NCAN: variants seen among roughly 807,000 people sequenced by gnomAD.
NCAN encodes the protein neurocan.
A neutral mutation model predicts 121.8 loss-of-function variants in NCAN; 47 were observed. The observed-to-expected ratio is 0.39, with a 90% CI of 0.31 to 0.49. The LOEUF (loss-of-function observed/expected upper bound fraction) is 0.49. NCAN is among the 20% of genes least tolerant of loss of function. NCAN has a pLI of 0.92. For synonymous variants in NCAN, 633 were observed against 702.0 expected (o/e 0.90, Z 1.55); for missense variants, 1,517 against 1,773.4 (o/e 0.86, Z 2.60).
chr19:19,244,234 C>T (rs978238584), intron 12 of NCAN, among the ~76,000 whole-genome samples: 2 of 151,904 alleles, frequency 1.3e-5, no homozygotes, highest in African/African-American at 2.4e-5. Context: ...AGAACAAGTT[C>T]AGTCCTGCCT....
At position 19,244,309 on chromosome 19, in the gene NCAN, C is replaced by CT. The variant is rs532412223; in HGVS notation, c.3493-987dup. On this transcript the variant is annotated intron_variant, in intron 12 of 14. Transcript: ENST00000252575. ...TGTTCCCTGTCTGAACCCTTACTAT[C>CT]TTTTTTTTTTTTTTTTTGAGATAGA... Among the ~76,000 whole-genome samples the CT allele has an allele frequency of 9.8e-3, 1,256 of 127,596 alleles. 28 individuals carry two copies. Among genetic ancestry groups the CT allele is most frequent in the South Asian group, 0.048 (188 of 3,928 alleles). 83.7% of individuals were successfully genotyped at this position (127,596 alleles called of 152,430 possible). A position where few individuals can be genotyped will look rare whatever the true frequency, so the allele number is the denominator to read the frequency against.
Position 19,225,369 on chromosome 19 carries a change from G to A in NCAN, c.1072+99G>A, listed in dbSNP as rs903149884. On this transcript the variant is annotated intron_variant, in intron 6 of 14. Transcript: ENST00000252575. The surrounding 1 kb of genome is among the most constrained non-coding windows in gnomAD (Gnocchi z 4.0). Reference sequence around the variant, plus strand: ...CAAGCCAAGGGAGAGACACATGGAAGCTCGCTTTGTGATAAGCCACATCCC... The same window carrying A: ...CAAGCCAAGGGAGAGACACATGGAAACTCGCTTTGTGATAAGCCACATCCC... 5.9e-6 allele frequency: 8 copies of A among 1,359,994 alleles called. No homozygotes were observed. Among genetic ancestry groups the A allele is most frequent in the Non-Finnish European group, 7.6e-6 (8 of 1,048,304 alleles). 84.2% of individuals were successfully genotyped at this position (1,359,994 alleles called of 1,614,324 possible). A position where few individuals can be genotyped will look rare whatever the true frequency, so the allele number is the denominator to read the frequency against.
chr19:19,243,800 G>T (rs903887568), intron 12 of NCAN, among the ~76,000 whole-genome samples: 1 of 152,112 alleles, frequency 6.6e-6, no homozygotes, highest in South Asian at 2.1e-4. Context: ...GGCCAAGGTG[G>T]GTGGATCGCG....
intron 11 of NCAN, 132 bp from the exon 12 acceptor site, chr19:19,240,471 C>A: frequency 1.3e-6 from 1 of 796,482 alleles, no homozygotes; most frequent in Non-Finnish European, 2.2e-6. Context: ...TCCCCCCACC[C>A]AGCCCACCTC....
chr19:19,224,951 C>T, intron 5 of NCAN, 26 bp from the exon 6 acceptor site: 2 of 1,387,540 alleles, frequency 1.4e-6, no homozygotes, highest in Non-Finnish European at 1.9e-6. Context: ...CCCAGCCCCC[C>T]TGACCTCCAC....
Position 19,212,163 on chromosome 19 carries a change from C to T in NCAN, c.-8+99C>T, listed in dbSNP as rs1464097843. 1 of 154,786 alleles carries T rather than the reference C, an allele frequency of 6.5e-6. No individual in the cohort carries two copies. Among genetic ancestry groups the T allele is most frequent in the Admixed American group, 6.6e-5 (1 of 15,258 alleles). 9.6% of individuals were successfully genotyped at this position (154,786 alleles called of 1,614,324 possible). On this transcript the variant is annotated intron_variant, in intron 1 of 14. Transcript: ENST00000252575. The surrounding 1 kb of genome is among the most constrained non-coding windows in gnomAD (Gnocchi z 4.5). ...AGGACCTGAGACCAGGGAGAAGTCCCCAGAATGGGGAGGGGGCTGAAGCGG... is the reference window on the plus strand; with the variant it reads ...AGGACCTGAGACCAGGGAGAAGTCCTCAGAATGGGGAGGGGGCTGAAGCGG...
At chr19:19,228,776 G>C in intron 8 of NCAN, 137 bp downstream of exon 8, 2 of 968,474 alleles carry the variant, frequency 2.1e-6, no homozygotes, top group Middle Eastern at 3.4e-4. Flanking sequence ...TGACGCTGGA[G>C]GTAGGAGCTT....
At chr19:19,237,053 A>G (rs896626853) in intron 10 of NCAN, among the ~76,000 whole-genome samples, 39 of 151,180 alleles carry the variant, frequency 2.6e-4, no homozygotes, top group African/African-American at 9.0e-4. Context: ...ATCTGGGACT[A>G]TAGGCACCTA....
chr19:19,235,193 C>T, intron 10 of NCAN, 97 bp downstream of exon 10: 1 of 670,212 alleles, frequency 1.5e-6, no homozygotes, highest in Non-Finnish European at 2.6e-6. Flanking sequence ...GCCTCCAGTT[C>T]CATGGCTGTG....
At position 19,226,836 on chromosome 19, in the gene NCAN, C is replaced by T. The variant is rs2060839032; in HGVS notation, c.1423C>T (p.Pro475Ser). Residue 475 changes from proline to serine, a missense_variant, in exon 7 of 15, where the codon CCT (proline) becomes TCT (serine). Pro to Ser is a moderately conservative substitution (Grantham distance 74, BLOSUM62 -1). Coordinates refer to ENST00000252575, the MANE Select transcript of NCAN (RefSeq NM_004386.3). ...SSHTEVAPTD[P>S]MPRRRGRFKG... ...ACACACGGAGGTGGCCCCAACTGAC[C>T]CTATGCCTAGGAGAAGGGGGCGCTT... 6.2e-7 allele frequency: 1 copy of T among 1,613,084 alleles called. No homozygotes were observed. Among genetic ancestry groups the T allele is most frequent in the African/African-American group, 1.3e-5 (1 of 74,928 alleles).
In NCAN at chr19:19,225,801, A is replaced by G. The variant is rs955645496; in HGVS notation, c.1072+531A>G. The stretch of plus-strand genomic sequence containing the variant: ...GCCCCAGTCCTGGCATGGGCATACC[A>G]TGCCCACGGGGCACCACCTGTACCA... On this transcript the variant is annotated intron_variant, in intron 6 of 14. Transcript: ENST00000252575. This position sits in a 1 kb window ranked among gnomAD's most constrained non-coding sequence, Gnocchi z 4.0. Among the ~76,000 whole-genome samples, 4 of 152,206 alleles carry G rather than the reference A, an allele frequency of 2.6e-5. No homozygotes were observed. The highest frequency in any genetic ancestry group is 9.6e-5 in the African/African-American group (4 of 41,458).
At chr19:19,239,876 T>G (rs1345808296) in intron 11 of NCAN, among the ~76,000 whole-genome samples, 1 of 111,872 alleles carries the variant, frequency 8.9e-6, no homozygotes, top group Non-Finnish European at 1.8e-5. Flanking sequence ...CTCCTTCCAT[T>G]CATCTTTCTC....
At chr19:19,215,925 A>G (rs1404673397) in intron 1 of NCAN, among the ~76,000 whole-genome samples, 1 of 152,176 alleles carries the variant, frequency 6.6e-6, no homozygotes, top group East Asian at 1.9e-4. Flanking sequence ...TGTACCCCTT[A>G]CTGCATGAGA....
Position 19,237,338 on chromosome 19 carries a change from A to T in NCAN, c.3251-915A>T, listed in dbSNP as rs181367847. Among the ~76,000 whole-genome samples, 5 of 152,224 alleles carry T rather than the reference A, an allele frequency of 3.3e-5. No individual in the cohort carries two copies. The East Asian group carries it at 5.8e-4, about 18-fold the overall frequency. On this transcript the variant is annotated intron_variant, in intron 10 of 14. Coordinates refer to ENST00000252575, the MANE Select transcript of NCAN (RefSeq NM_004386.3). ...AACCCCATCTCTACTAAAAATACAA[A>T]AATTAGCAGGCATGGCGACACGTGC...
At chr19:19,242,955 C>A (rs35583425) in intron 12 of NCAN, among the ~76,000 whole-genome samples, 5,819 of 151,704 alleles carry the variant, frequency 0.038, 157 homozygotes, top group South Asian at 0.11. Flanking sequence ...GGCAACATGG[C>A]GAAACCCCAT....
chr19:19,216,115 CCA>C (rs1345632660), intron 1 of NCAN, among the ~76,000 whole-genome samples: 6 of 152,102 alleles, frequency 3.9e-5, no homozygotes, highest in Non-Finnish European at 7.4e-5. Flanking sequence ...AGGCTTCTGA[CCA>C]CAGACTTCAT....
intron 13 of NCAN, among the ~76,000 whole-genome samples, chr19:19,246,020 T>A (rs2060923258): frequency 1.3e-5 from 2 of 151,984 alleles, no homozygotes; most frequent in South Asian, 4.2e-4. Context: ...ATTTTTTTAA[T>A]TTATTCTTAT....
chr19:19,226,790 G>C lies in NCAN; in HGVS notation c.1377G>C (p.Gly459=), dbSNP rs750537475. The change falls in exon 7 of 15, where the codon GGG becomes GGC. Residue 459 remains glycine (G), a synonymous_variant. Transcript: ENST00000252575. ...TGGCCCCCAGCCCTAGCGACATGGG[G>C]GCAGGCACTGCAGCAAGTTCACACA... The part of the protein sequence containing the change: ...STVAPSPSDM[G]AGTAASSHTE... 6 of 1,613,404 alleles carry C rather than the reference G, an allele frequency of 3.7e-6. No individual in the cohort carries two copies. Among genetic ancestry groups the C allele is most frequent in the Non-Finnish European group, 4.2e-6 (5 of 1,179,976 alleles).
Position 19,238,382 on chromosome 19 carries a change from A to G in NCAN, c.3380A>G (p.His1127Arg). ...RRRSGHLTSV[H>R]SPEEHSFINS... ...CGCTCCGGCCACCTGACCAGCGTCC[A>G]CTCACCGGAGGAACACAGCTTCATT... Residue 1127 changes from histidine (H) to arginine (R), a missense_variant, in exon 11 of 15, where the codon CAC becomes CGC. By Grantham distance (29) the His-to-Arg change is conservative. Coordinates refer to ENST00000252575, the MANE Select transcript of NCAN (RefSeq NM_004386.3). The G allele has an allele frequency of 6.2e-7, 1 of 1,614,086 alleles. No individual in the cohort carries two copies. Among genetic ancestry groups the G allele is most frequent in the Admixed American group, 1.7e-5 (1 of 60,012 alleles).
Sources: gnomAD v4.1 joint callset for allele counts (sites outside exome capture counted in the v4.1 genomes callset) on GRCh38, gnomAD v4.1.1 for gene constraint, Gnocchi (gnomAD v3.1) non-coding constraint, MANE v1.5 for transcripts, NCBI Gene and HGNC (gene_info 2026-07-23, HGNC 2026-07-21) for gene names.